ACYP2: variants seen among roughly 807,000 people sequenced by gnomAD.
The protein encoded by ACYP2 is acylphosphatase 2.
In ACYP2, 12 loss-of-function variants were observed where a neutral mutation model predicts 11.2. The ratio of observed to expected loss-of-function variants is 1.08; its 90% confidence interval spans 0.69 to 1.74. The LOEUF is 1.74. Among genes scored for constraint, ACYP2 ranks in the 40% most tolerant of loss-of-function variants. The pLI is 0.00. For missense variants in ACYP2, 134 were observed against 101.9 expected (o/e 1.31, Z -1.35); for synonymous variants, 43 against 32.2 (o/e 1.33, Z -1.13).
intron 4 of ACYP2, among the ~76,000 whole-genome samples, chr2:54,098,940 C>G (rs1480722060): frequency 6.6e-6 from 1 of 152,030 alleles, no homozygotes; most frequent in African/African-American, 2.4e-5. Context: ...GTTGCCCAGG[C>G]TTGGTCTCAA....
intron 2 of ACYP2, among the ~76,000 whole-genome samples, chr2:54,024,373 A>C (rs941880578): frequency 7.2e-5 from 11 of 152,250 alleles, no homozygotes; most frequent in South Asian, 4.1e-4. Flanking sequence ...CACACACACA[A>C]AAAAAGATAA....
chr2:54,266,590 C>CTTTTTTTTTTTTATTTTTTTTTTTTT (rs1688034512), intron 6 of ACYP2, among the ~76,000 whole-genome samples: 1 of 52,242 alleles, frequency 1.9e-5, no homozygotes, highest in Non-Finnish European at 3.3e-5. Context: ...ATCTATCTAT[C>CTTTTTTTTTTTTATTTTTTTTTTTTT]TTTTTTTTTT....
intron 6 of ACYP2, among the ~76,000 whole-genome samples, chr2:54,252,939 A>T (rs1042032588): frequency 6.6e-6 from 1 of 152,120 alleles, no homozygotes; most frequent in African/African-American, 2.4e-5. Flanking sequence ...TATAATTCCA[A>T]TTTCACAAAA....
chr2:54,160,687 A>G (rs1360046299), intron 6 of ACYP2, among the ~76,000 whole-genome samples: 2 of 152,204 alleles, frequency 1.3e-5, no homozygotes, highest in Non-Finnish European at 2.9e-5. Context: ...GGAACATGTG[A>G]CTGGAACATA....
chr2:54,144,813 T>A (rs1681813444), intron 6 of ACYP2, among the ~76,000 whole-genome samples: 1 of 152,202 alleles, frequency 6.6e-6, no homozygotes, highest in Admixed American at 6.5e-5. Flanking sequence ...GGTATATTTT[T>A]AAAAAACAGC....
chr2:53,977,669 A>T, intron 2 of ACYP2, among the ~76,000 whole-genome samples: 1 of 144,376 alleles, frequency 6.9e-6, no homozygotes, highest in Non-Finnish European at 1.5e-5. Flanking sequence ...TGGGAGAGGG[A>T]GGTTGCAGTG....
intron 4 of ACYP2, among the ~76,000 whole-genome samples, chr2:54,098,307 A>T (rs1289635479): frequency 6.6e-6 from 1 of 152,022 alleles, no homozygotes; most frequent in East Asian, 1.9e-4. Flanking sequence ...GTTCATTATT[A>T]AATTTTTCTG....
chr2:54,287,125 T>C (rs1269886689), intron 6 of ACYP2, among the ~76,000 whole-genome samples: 1 of 152,004 alleles, frequency 6.6e-6, no homozygotes, highest in Non-Finnish European at 1.5e-5. Context: ...CCCACAGTTC[T>C]GGAGGCTTGG....
chr2:54,015,878 G>C (rs1267817883), intron 2 of ACYP2, among the ~76,000 whole-genome samples: 2 of 151,956 alleles, frequency 1.3e-5, no homozygotes, highest in Admixed American at 1.3e-4. Context: ...TGACCAGGCT[G>C]ATCTCCAAAC....
intron 4 of ACYP2, among the ~76,000 whole-genome samples, chr2:54,062,082 C>G (rs1558502170): frequency 6.6e-6 from 1 of 152,124 alleles, no homozygotes; most frequent in Non-Finnish European, 1.5e-5. Context: ...GGAGATATTA[C>G]AAACTATTGT....
chr2:54,230,025 T>C (rs1686165794), intron 6 of ACYP2, among the ~76,000 whole-genome samples: 2 of 152,192 alleles, frequency 1.3e-5, no homozygotes, highest in African/African-American at 2.4e-5. Flanking sequence ...TTTGACCCTA[T>C]ATATTGTGAC....
At chr2:54,282,304 A>T (rs1553406337) in intron 6 of ACYP2, among the ~76,000 whole-genome samples, 1 of 152,152 alleles carries the variant, frequency 6.6e-6, no homozygotes, top group Non-Finnish European at 1.5e-5. Context: ...ACCAAATCCC[A>T]CCGTCACGGA....
intron 6 of ACYP2, among the ~76,000 whole-genome samples, chr2:54,261,279 A>G (rs1687763791): frequency 6.6e-6 from 1 of 152,086 alleles, no homozygotes; most frequent in Non-Finnish European, 1.5e-5. Context: ...GGAGCCTGAA[A>G]TATTCTGGCT....
rs566303948 is a variant in ACYP2 at position 54,201,622 on chromosome 2, T to C, written c.404+62874T>C. 9.8e-3 allele frequency among the ~76,000 whole-genome samples: 1,033 copies of C among 105,396 alleles called. 32 individuals are homozygous for C. The highest frequency in any genetic ancestry group is 0.038 in the African/African-American group (983 of 25,966). 69.1% of individuals were successfully genotyped at this position (105,396 alleles called of 152,430 possible). On this transcript the variant is annotated intron_variant, in intron 6 of 6. Transcript: ENST00000607452. ...TTTCTTTCTTTCTTTCTTTCTTTCT[T>C]TGTTTCTTTCTTTCTCTTTCTTTCT...
At chr2:54,117,028 C>T (rs1032764137) in intron 4 of ACYP2, among the ~76,000 whole-genome samples, 30 of 152,088 alleles carry the variant, frequency 2.0e-4, no homozygotes, top group African/African-American at 7.2e-4. Context: ...CTGATTAGAA[C>T]TGGTGGAAAA....
intron 6 of ACYP2, among the ~76,000 whole-genome samples, chr2:54,262,404 TATAAA>T (rs1390576775): frequency 1.3e-5 from 2 of 152,248 alleles, no homozygotes; most frequent in Non-Finnish European, 2.9e-5. Context: ...AAATAGATAT[TATAAA>T]ATGTTTCTAA....
intron 6 of ACYP2, among the ~76,000 whole-genome samples, chr2:54,202,292 A>G (rs1173012749): frequency 1.5e-5 from 2 of 137,380 alleles, no homozygotes; most frequent in Admixed American, 7.0e-5. Flanking sequence ...TATTTTCAGT[A>G]GAGACGGAGT....
chr2:54,134,434 C>G (rs890208546), intron 4 of ACYP2, among the ~76,000 whole-genome samples: 1 of 152,108 alleles, frequency 6.6e-6, no homozygotes, highest in Non-Finnish European at 1.5e-5. Flanking sequence ...TGTTTTATTA[C>G]ATTTAAATTT....
intron 6 of ACYP2, among the ~76,000 whole-genome samples, chr2:54,270,971 C>T (rs963338711): frequency 6.6e-6 from 1 of 152,180 alleles, no homozygotes; most frequent in Non-Finnish European, 1.5e-5. Context: ...ATGGCACATA[C>T]AATTCTTTAT....
Sources: gnomAD v4.1 joint callset for allele counts (sites outside exome capture counted in the v4.1 genomes callset) on GRCh38, gnomAD v4.1.1 for gene constraint, MANE v1.5 for transcripts, NCBI Gene and HGNC (gene_info 2026-07-23, HGNC 2026-07-21) for gene names.